The following VTCN1 variants were observed in gnomAD, a reference collection of about 807,000 sequenced individuals.
VTCN1 encodes the protein V-set domain containing T cell activation inhibitor 1, also known as V-set domain-containing T-cell activation inhibitor 1.
Under a neutral mutation model 26.5 loss-of-function variants are expected in VTCN1, and 26 were observed. The observed-to-expected ratio is 0.98, with a 90% CI of 0.72 to 1.36. The LOEUF (loss-of-function observed/expected upper bound fraction) is 1.36, where lower values mean the gene tolerates loss of function less well. Ranked by LOEUF, VTCN1 falls within the 40% of genes most tolerant of loss-of-function variation. VTCN1 has a pLI of 0.00. For synonymous variants in VTCN1, 116 were observed against 130.7 expected, an observed-to-expected ratio of 0.89 and a Z score of 0.77; for missense variants, 298 against 337.7, an observed-to-expected ratio of 0.88 and a Z score of 0.92.
intron 1 of VTCN1, among the ~76,000 whole-genome samples, chr1:117,177,975 G>A (rs1223549543): frequency 9.1e-6 from 1 of 109,664 alleles, no homozygotes; most frequent in Admixed American, 1.1e-4. Flanking sequence ...GCCTCATTTT[G>A]TTGCCCATGC....
Position 117,153,170 on chromosome 1 carries a change from G to A in VTCN1, c.645C>T (p.Tyr215=), listed in dbSNP as rs944995526. ...AGTATGTGTTGTTGATCGTAACATT[G>A]TAGAGCACAGACACAACCTTCATGG... ...NVTMKVVSVL[Y]NVTINNTYSC... is the part of the protein sequence containing the mutation. The change falls in exon 4 of 6, where the codon TAC becomes TAT. Residue 215 remains tyrosine, a synonymous_variant. Coordinates refer to ENST00000369458, the MANE Select transcript of VTCN1 (RefSeq NM_024626.4). 2 of 1,614,014 alleles carry A rather than the reference G, an allele frequency of 1.2e-6. No homozygotes were observed. Among genetic ancestry groups the A allele is most frequent in the African/African-American group, 2.7e-5 (2 of 74,906 alleles).
intron 2 of VTCN1, among the ~76,000 whole-genome samples, chr1:117,157,309 A>G (rs1652137254): frequency 6.6e-6 from 1 of 151,944 alleles, no homozygotes; most frequent in Non-Finnish European, 1.5e-5. Flanking sequence ...TACCTACTAT[A>G]TTAGTCCATT....
At chr1:117,163,333 A>T (rs1283367312) in intron 2 of VTCN1, among the ~76,000 whole-genome samples, 2 of 152,172 alleles carry the variant, frequency 1.3e-5, no homozygotes, top group East Asian at 3.9e-4. Flanking sequence ...ACCATTTTTT[A>T]AAATCTGTAA....
Position 117,159,427 on chromosome 1 carries a change from T to C in VTCN1, c.98-2506A>G, listed in dbSNP as rs560171059. Among the ~76,000 whole-genome samples, 1 of 152,292 alleles carries C rather than the reference T, an allele frequency of 6.6e-6. No individual in the cohort carries two copies. The highest frequency in any genetic ancestry group is 6.5e-5 in the Admixed American group (1 of 15,306). On this transcript the variant is annotated intron_variant, in intron 2 of 5. Transcript: ENST00000369458. This position sits in a 1 kb window ranked among gnomAD's most constrained non-coding sequence, Gnocchi z 4.7. Reference sequence around the variant, plus strand: ...ATCTTGTGAGACTTATTTACTACCATGAGAACAGTATGGGGGGAACCACCC... The same window carrying C: ...ATCTTGTGAGACTTATTTACTACCACGAGAACAGTATGGGGGGAACCACCC...
In VTCN1 at chr1:117,153,082, G is replaced by A. The variant is rs747297286; in HGVS notation, c.724+9C>T. 3 of 1,601,022 alleles carry A rather than the reference G, an allele frequency of 1.9e-6. No individual in the cohort carries two copies. The highest frequency in any genetic ancestry group is 2.2e-4 in the Middle Eastern group (1 of 4,626). The stretch of plus-strand genomic sequence containing the variant: ...CAGTAAATCCATACAAAAGCATGCA[G>A]GAACCCACCTGTCACTTTGATATCC... On this transcript the variant is annotated intron_variant, in intron 4 of 5. Transcript: ENST00000369458.
rs1652779979 is a variant in VTCN1 at position 117,169,422 on chromosome 1, C to G, written c.97+685G>C. 6.6e-6 allele frequency among the ~76,000 whole-genome samples: 1 copy of G among 152,214 alleles called. No homozygotes were observed. The highest frequency in any genetic ancestry group is 1.5e-5 in the Non-Finnish European group (1 of 68,044). On this transcript the variant is annotated intron_variant, in intron 2 of 5. Coordinates refer to ENST00000369458, the MANE Select transcript of VTCN1 (RefSeq NM_024626.4). The surrounding 1 kb of genome is among the most constrained non-coding windows in gnomAD (Gnocchi z 4.0). ...TTCTTTAACACTTCAGCTGAAGCTT[C>G]GTTGCAAAGAAATCATCTACCCAGG... is the stretch of plus-strand genomic sequence containing the variant.
At position 117,155,081 on chromosome 1, in the gene VTCN1, T is replaced by C. The variant is rs1309515798; in HGVS notation, c.445+1493A>G. 6.6e-6 allele frequency among the ~76,000 whole-genome samples: 1 copy of C among 152,206 alleles called. No homozygotes were observed. The highest frequency in any genetic ancestry group is 2.4e-5 in the African/African-American group (1 of 41,462). On this transcript the variant is annotated intron_variant, in intron 3 of 5. Transcript: ENST00000369458. This position sits in a 1 kb window ranked among gnomAD's most constrained non-coding sequence, Gnocchi z 4.8. ...AGGAGTACCGGTTAGGTATTTTCCATGACCTTGACAGTTCTGAGGAGTACT... is the reference window on the plus strand; with the variant it reads ...AGGAGTACCGGTTAGGTATTTTCCACGACCTTGACAGTTCTGAGGAGTACT...
At position 117,153,333 on chromosome 1, in the gene VTCN1, G is replaced by A; in HGVS notation, c.482C>T (p.Ala161Val). ...CTCACACCGCAAGGTCTCTGAGCTG[G>A]CATTATAGTCCACATTCACTTCCGG... ...SMPEVNVDYN[A>V]SSETLRCEAP... The change falls in exon 4 of 6, where the codon GCC becomes GTC. Residue 161 changes from alanine to valine, a missense_variant. Coordinates refer to ENST00000369458, the MANE Select transcript of VTCN1 (RefSeq NM_024626.4). 1 of 1,613,124 alleles carries A rather than the reference G, an allele frequency of 6.2e-7. No individual in the cohort carries two copies.
chr1:117,167,645 A>C lies in VTCN1; in HGVS notation c.97+2462T>G, dbSNP rs915228918. On this transcript the variant is annotated intron_variant, in intron 2 of 5. Coordinates refer to ENST00000369458, the MANE Select transcript of VTCN1 (RefSeq NM_024626.4). The surrounding 1 kb of genome is among the most constrained non-coding windows in gnomAD (Gnocchi z 4.1). ...AGAGTAGATTGACTCATCACTTTGG[A>C]AAATTGAATGGCAGTATCTACTAAA... Among the ~76,000 whole-genome samples the C allele has an allele frequency of 1.3e-5, 2 of 152,202 alleles. No homozygotes were observed. Among genetic ancestry groups the C allele is most frequent in the African/African-American group, 4.8e-5 (2 of 41,454 alleles).
rs1208285647 is a variant in VTCN1, at chr1:117,183,052, T to G, written c.33-12881A>C. On this transcript the variant is annotated intron_variant, in intron 1 of 5. Coordinates refer to ENST00000369458, the MANE Select transcript of VTCN1 (RefSeq NM_024626.4). This position sits in a 1 kb window ranked among gnomAD's most constrained non-coding sequence, Gnocchi z 4.1. ...TAAGATTAAAATATAAAGTATTGAT[T>G]TAAGCATAGAAAGCGAAGAAAGCAT... Among the ~76,000 whole-genome samples, 1 of 152,192 alleles carries G rather than the reference T, an allele frequency of 6.6e-6. No homozygotes were observed. The highest frequency in any genetic ancestry group is 1.9e-4 in the East Asian group (1 of 5,196).
rs1289169597 is a variant in VTCN1, at chr1:117,144,863, C to G, written c.*408G>C. The G allele has an allele frequency of 6.6e-6, 1 of 152,564 alleles. No individual in the cohort carries two copies. The highest frequency in any genetic ancestry group is 1.5e-5 in the Non-Finnish European group (1 of 68,038). 9.5% of individuals were successfully genotyped at this position (152,564 alleles called of 1,614,324 possible). ...TTGGGATAGACTTTCCAGGGGCTTC[C>G]TCAGAGCAACATTACAGCACATATA... On this transcript the variant is annotated 3_prime_UTR_variant, in exon 6 of 6. Transcript: ENST00000369458.
In VTCN1 at chr1:117,147,924, C is replaced by T; in HGVS notation, c.725-142G>A. The T allele has an allele frequency of 9.3e-7, 1 of 1,072,364 alleles. No individual in the cohort carries two copies. 66.4% of individuals were successfully genotyped at this position (1,072,364 alleles called of 1,614,324 possible). A position where few individuals can be genotyped will look rare whatever the true frequency, so the allele number is the denominator to read the frequency against. On this transcript the variant is annotated intron_variant, in intron 4 of 5. Transcript: ENST00000369458. This position sits in a 1 kb window ranked among gnomAD's most constrained non-coding sequence, Gnocchi z 4.6. Reference sequence around the variant, plus strand: ...CAATTTTTTACCCCTTTGCCCACCTCTCCGTAACTGGCTTAAAAGTAGAGC... The same window carrying T: ...CAATTTTTTACCCCTTTGCCCACCTTTCCGTAACTGGCTTAAAAGTAGAGC...
At position 117,167,933 on chromosome 1, in the gene VTCN1, TGA is replaced by T. The variant is rs953885456; in HGVS notation, c.97+2172_97+2173del. Among the ~76,000 whole-genome samples the T allele has an allele frequency of 1.3e-5, 2 of 150,616 alleles. No individual in the cohort carries two copies. The highest frequency in any genetic ancestry group is 3.9e-4 in the East Asian group (2 of 5,128). Reference sequence around the variant, plus strand: ...TACCTTATAAATCTATTTTAGTATATGAGAGAGAGAGAAAGAGAGAGCAGAAG... The same window carrying T: ...TACCTTATAAATCTATTTTAGTATATGAGAGAGAGAAAGAGAGAGCAGAAG... On this transcript the variant is annotated intron_variant, in intron 2 of 5. Coordinates refer to ENST00000369458, the MANE Select transcript of VTCN1 (RefSeq NM_024626.4). This position sits in a 1 kb window ranked among gnomAD's most constrained non-coding sequence, Gnocchi z 4.1.
chr1:117,194,500 C>A (rs1040835741), intron 1 of VTCN1, among the ~76,000 whole-genome samples: 18 of 152,184 alleles, frequency 1.2e-4, no homozygotes, highest in African/African-American at 4.3e-4. Context: ...ACCATATGAT[C>A]TGTCAATCTC....
chr1:117,190,818 G>A (rs1452149201), intron 1 of VTCN1, among the ~76,000 whole-genome samples: 1 of 152,156 alleles, frequency 6.6e-6, no homozygotes, highest in African/African-American at 2.4e-5. Context: ...ACAGATGTTT[G>A]GTCCTTACAA....
intron 2 of VTCN1, among the ~76,000 whole-genome samples, chr1:117,168,173 A>C (rs960670027): frequency 6.6e-6 from 1 of 152,196 alleles, no homozygotes; most frequent in African/African-American, 2.4e-5. Context: ...AGAGAAAACA[A>C]CCAAGATTAT....
At chr1:117,207,670 G>A (rs1649128577) in intron 1 of VTCN1, among the ~76,000 whole-genome samples, 1 of 152,082 alleles carries the variant, frequency 6.6e-6, no homozygotes, top group South Asian at 2.1e-4. Context: ...GGTCCCAGGG[G>A]AATCTCAAGC....
chr1:117,194,386 T>C (rs1648403211), intron 1 of VTCN1, among the ~76,000 whole-genome samples: 1 of 152,140 alleles, frequency 6.6e-6, no homozygotes, highest in Non-Finnish European at 1.5e-5. Context: ...TTGGTGCGGA[T>C]GCAGAGAAAA....
rs1403504518 is a variant in VTCN1, at chr1:117,161,420, T to C, written c.98-4499A>G. On this transcript the variant is annotated intron_variant, in intron 2 of 5. Transcript: ENST00000369458. This position sits in a 1 kb window ranked among gnomAD's most constrained non-coding sequence, Gnocchi z 4.3. ...TCTTTTAATTCACCAAAGGAAAAATTAGTAGATTCTCTCTTTACTTTCCTG... is the reference window on the plus strand; with the variant it reads ...TCTTTTAATTCACCAAAGGAAAAATCAGTAGATTCTCTCTTTACTTTCCTG... Among the ~76,000 whole-genome samples, 1 of 152,168 alleles carries C rather than the reference T, an allele frequency of 6.6e-6. No homozygotes were observed. The highest frequency in any genetic ancestry group is 1.5e-5 in the Non-Finnish European group (1 of 68,016).
Sources: allele counts gnomAD v4.1 joint callset (sites outside exome capture counted in the v4.1 genomes callset), GRCh38; gene constraint gnomAD v4.1.1; non-coding constraint Gnocchi (gnomAD v3.1); transcripts MANE v1.5; gene names NCBI Gene and HGNC (gene_info 2026-07-23, HGNC 2026-07-21).